The following SEZ6L variants were observed in gnomAD, a reference collection of about 807,000 sequenced individuals.
SEZ6L encodes seizure related 6 homolog like, also known as seizure 6-like protein.
A neutral mutation model predicts 106.2 loss-of-function variants in SEZ6L; 37 were observed. The observed-to-expected ratio is 0.35, with a 90% CI of 0.27 to 0.46. SEZ6L has a LOEUF of 0.46. Among genes scored for constraint, SEZ6L ranks in the 20% least tolerant of loss-of-function variants. SEZ6L has a pLI of 1.00. For missense variants in SEZ6L, 1,172 were observed against 1,332.8 expected, an observed-to-expected ratio of 0.88 and a Z score of 1.88; for synonymous variants, 541 against 570.4, an observed-to-expected ratio of 0.95 and a Z score of 0.73.
intron 1 of SEZ6L, among the ~76,000 whole-genome samples, chr22:26,243,038 G>T (rs2079191490): frequency 6.6e-6 from 1 of 152,084 alleles, no homozygotes; most frequent in Non-Finnish European, 1.5e-5. Flanking sequence ...GCAACCCTTG[G>T]TAGTCTCTGC....
intron 5 of SEZ6L, among the ~76,000 whole-genome samples, chr22:26,300,485 C>A (rs543876396): frequency 6.6e-6 from 1 of 152,312 alleles, no homozygotes; most frequent in African/African-American, 2.4e-5. Context: ...GACATGAACT[C>A]ATCATTTTTT....
intron 9 of SEZ6L, among the ~76,000 whole-genome samples, chr22:26,314,111 G>GGA (rs72164874): frequency 8.4e-5 from 12 of 143,464 alleles, no homozygotes; most frequent in Admixed American, 5.5e-4. Context: ...GAGAGAGAGA[G>GGA]GAGAGAGAGA....
intron 13 of SEZ6L, among the ~76,000 whole-genome samples, chr22:26,366,635 G>A (rs550842691): frequency 2.0e-5 from 3 of 152,076 alleles, no homozygotes; most frequent in African/African-American, 7.2e-5. Flanking sequence ...TTGATCCCAG[G>A]AGACAGAGGT....
chr22:26,273,081 G>T (rs917660066), intron 1 of SEZ6L, among the ~76,000 whole-genome samples: 2 of 152,256 alleles, frequency 1.3e-5, no homozygotes, highest in Admixed American at 1.3e-4. Flanking sequence ...TGTGAATGAA[G>T]TTGTAGCTAT....
intron 1 of SEZ6L, among the ~76,000 whole-genome samples, chr22:26,220,913 A>G (rs897500451): frequency 2.0e-5 from 3 of 151,696 alleles, no homozygotes; most frequent in African/African-American, 7.3e-5. Flanking sequence ...GGATGGATGG[A>G]TGGATGGATG....
At chr22:26,199,032 C>G (rs1235538824) in intron 1 of SEZ6L, among the ~76,000 whole-genome samples, 1 of 152,170 alleles carries the variant, frequency 6.6e-6, no homozygotes. Flanking sequence ...ATGACACATA[C>G]AGCTTACTAA....
intron 1 of SEZ6L, among the ~76,000 whole-genome samples, chr22:26,224,516 A>G (rs2078579052): frequency 6.6e-6 from 1 of 152,214 alleles, no homozygotes; most frequent in South Asian, 2.1e-4. Flanking sequence ...GGATTAGAGC[A>G]GGGAGTGGCT....
chr22:26,299,864 A>G (rs2081399241), intron 5 of SEZ6L, among the ~76,000 whole-genome samples: 1 of 152,194 alleles, frequency 6.6e-6, no homozygotes, highest in Non-Finnish European at 1.5e-5. Context: ...GCTGGGTCAT[A>G]GGGTCATTGT....
intron 9 of SEZ6L, among the ~76,000 whole-genome samples, chr22:26,325,792 G>A (rs1262323902): frequency 1.3e-5 from 2 of 152,044 alleles, no homozygotes; most frequent in Non-Finnish European, 2.9e-5. Flanking sequence ...ATCATACCAT[G>A]TGCAGAAGCA....
At chr22:26,377,634 C>G (rs771057511) in intron 15 of SEZ6L, 39 bp from the exon 16 acceptor site, 1 of 1,487,228 alleles carries the variant, frequency 6.7e-7, no homozygotes, top group South Asian at 1.1e-5. Flanking sequence ...TTTCTCCTAG[C>G]TGGGGAGAAG....
intron 15 of SEZ6L, among the ~76,000 whole-genome samples, chr22:26,376,743 C>A (rs2084239128): frequency 6.6e-6 from 1 of 151,986 alleles, no homozygotes; most frequent in Admixed American, 6.6e-5. Flanking sequence ...AGCAAGACTC[C>A]ATTTCAAAAA....
intron 1 of SEZ6L, among the ~76,000 whole-genome samples, chr22:26,209,372 G>C (rs891253254): frequency 5.3e-5 from 8 of 152,158 alleles, no homozygotes; most frequent in African/African-American, 1.9e-4. Flanking sequence ...ACATTTCTTT[G>C]AAGAGTGTTG....
At chr22:26,174,579 C>T (rs1352524168) in intron 1 of SEZ6L, among the ~76,000 whole-genome samples, 6 of 152,176 alleles carry the variant, frequency 3.9e-5, no homozygotes, top group African/African-American at 7.2e-5. Flanking sequence ...CAGAAGGGAG[C>T]GAGGCCCAGC....
At chr22:26,249,213 C>A (rs893262467) in intron 1 of SEZ6L, among the ~76,000 whole-genome samples, 1 of 152,120 alleles carries the variant, frequency 6.6e-6, no homozygotes, top group Non-Finnish European at 1.5e-5. Flanking sequence ...TGAATATATA[C>A]AATCAATTGT....
At position 26,342,603 on chromosome 22, in the gene SEZ6L, G is replaced by A. The variant is rs566969462; in HGVS notation, c.2212+1971G>A. On this transcript the variant is annotated intron_variant, in intron 10 of 16. Coordinates refer to ENST00000248933, the MANE Select transcript of SEZ6L (RefSeq NM_021115.5). ...CCCAGCTACTCGGGAGGCTGAGGCA[G>A]GAGAATTGCTTGAGCCCAGGAAGCA... 4.4e-4 allele frequency among the ~76,000 whole-genome samples: 67 copies of A among 152,244 alleles called. 1 individual carries two copies. Among genetic ancestry groups the A allele is most frequent in the Middle Eastern group, 3.4e-3 (1 of 294 alleles).
intron 1 of SEZ6L, among the ~76,000 whole-genome samples, chr22:26,260,189 A>G (rs546935082): frequency 1.3e-5 from 2 of 152,062 alleles, no homozygotes; most frequent in Non-Finnish European, 2.9e-5. Context: ...ATTTGGTTAC[A>G]TTAGTAAGTT....
intron 11 of SEZ6L, among the ~76,000 whole-genome samples, chr22:26,349,964 A>G (rs894441030): frequency 2.0e-5 from 3 of 152,098 alleles, no homozygotes; most frequent in Admixed American, 6.5e-5. Context: ...ACATTCCAGC[A>G]CTACAGAGAA....
At chr22:26,215,966 C>G (rs756062228) in intron 1 of SEZ6L, among the ~76,000 whole-genome samples, 1 of 152,204 alleles carries the variant, frequency 6.6e-6, no homozygotes, top group Non-Finnish European at 1.5e-5. Flanking sequence ...AGAAGCAGAG[C>G]AGAGGTCCCG....
At chr22:26,231,961 AC>A (rs1034067152) in intron 1 of SEZ6L, among the ~76,000 whole-genome samples, 17 of 152,184 alleles carry the variant, frequency 1.1e-4, no homozygotes, top group African/African-American at 4.1e-4. Flanking sequence ...GGGGAAGGCT[AC>A]CTGCCCTGGG....
Sources: gnomAD v4.1 joint callset for allele counts (sites outside exome capture counted in the v4.1 genomes callset) on GRCh38, gnomAD v4.1.1 for gene constraint, MANE v1.5 for transcripts, NCBI Gene and HGNC (gene_info 2026-07-23, HGNC 2026-07-21) for gene names.